Variants in CAST observed in about 807,000 individuals in gnomAD.
The protein encoded by CAST is MIR583 host.
Under a neutral mutation model 119.6 loss-of-function variants are expected in CAST, and 76 were observed. The ratio of observed to expected loss-of-function variants is 0.64; its 90% CI spans 0.53 to 0.77. The LOEUF is 0.77. CAST is among the 30% of genes least tolerant of loss of function. The probability of loss-of-function intolerance (pLI) is 0.00; values close to 1 mark genes in which losing one functional copy is unlikely to be tolerated. For missense variants in CAST, 953 were observed against 946.5 expected (o/e 1.01, Z -0.09); for synonymous variants, 319 against 331.6 (o/e 0.96, Z 0.41).
chr5:96,156,081 G>A, the CAST span, among the ~76,000 whole-genome samples: 4 of 152,148 alleles, frequency 2.6e-5, no homozygotes, highest in African/African-American at 9.7e-5. Context: ...ATTGAACGTG[G>A]GAGCCTTCCA....
the CAST span, among the ~76,000 whole-genome samples, chr5:96,147,322 G>C: frequency 6.6e-6 from 1 of 152,068 alleles, no homozygotes; most frequent in Non-Finnish European, 1.5e-5. Context: ...AAATAATTTG[G>C]GGCCGGGCGC....
the CAST span, among the ~76,000 whole-genome samples, chr5:96,265,049 A>T: frequency 1.3e-5 from 2 of 152,180 alleles, no homozygotes; most frequent in Non-Finnish European, 2.9e-5. Context: ...CTAAAAATGG[A>T]ATTGTCAGGT....
At chr5:96,421,990 CATT>C in the CAST span, 2 of 484,544 alleles carry the variant, frequency 4.1e-6, no homozygotes, top group East Asian at 3.7e-5. Flanking sequence ...ACTGTGGCAG[CATT>C]AAAAAAAAAA....
intron 2 of CAST, among the ~76,000 whole-genome samples, chr5:96,681,984 C>T (rs1337367577): frequency 1.3e-5 from 2 of 152,152 alleles, no homozygotes; most frequent in African/African-American, 4.8e-5. Flanking sequence ...ACCCCATCCA[C>T]ATAACTTGTA....
At chr5:96,174,261 A>G in the CAST span, among the ~76,000 whole-genome samples, 2 of 152,128 alleles carry the variant, frequency 1.3e-5, no homozygotes, top group Non-Finnish European at 2.9e-5. Context: ...GTCCATTTCC[A>G]TTAAGGGAAT....
chr5:96,286,550 T>A, the CAST span, among the ~76,000 whole-genome samples: 1 of 152,176 alleles, frequency 6.6e-6, no homozygotes, highest in African/African-American at 2.4e-5. Flanking sequence ...TTTGCACCAG[T>A]AACCAATATT....
chr5:96,690,960 A>G (rs985737212), intron 2 of CAST, among the ~76,000 whole-genome samples: 5 of 152,244 alleles, frequency 3.3e-5, no homozygotes, highest in Admixed American at 2.0e-4. Context: ...CATTTCAAGA[A>G]GTCTAAGAAA....
At chr5:96,475,296 A>G in the CAST span, among the ~76,000 whole-genome samples, 1 of 152,226 alleles carries the variant, frequency 6.6e-6, no homozygotes, top group Non-Finnish European at 1.5e-5. Context: ...ATCTTCATCG[A>G]AAATGAATTA....
At chr5:96,354,838 T>TTTTATTTA in the CAST span, among the ~76,000 whole-genome samples, 3 of 150,834 alleles carry the variant, frequency 2.0e-5, no homozygotes, top group African/African-American at 7.3e-5. Context: ...TCTAGTATGC[T>TTTTATTTA]TTTATTTATT....
chr5:96,615,515 T>C (rs888178502), intron 1 of CAST, among the ~76,000 whole-genome samples: 3 of 152,174 alleles, frequency 2.0e-5, no homozygotes, highest in Non-Finnish European at 2.9e-5. Context: ...ACAGGGAGAA[T>C]GAAACAGACA....
the CAST span, among the ~76,000 whole-genome samples, chr5:96,164,566 C>T: frequency 0.052 from 7,964 of 152,188 alleles, 278 homozygotes; most frequent in Non-Finnish European, 0.079. Flanking sequence ...ACAATCAGTT[C>T]GCAAACATTT....
At chr5:96,406,847 T>C in the CAST span, among the ~76,000 whole-genome samples, 1 of 152,220 alleles carries the variant, frequency 6.6e-6, no homozygotes, top group African/African-American at 2.4e-5. Flanking sequence ...TATGCAACCA[T>C]AGCACCTGAC....
At chr5:96,386,038 A>T in the CAST span, among the ~76,000 whole-genome samples, 2 of 152,242 alleles carry the variant, frequency 1.3e-5, no homozygotes, top group Non-Finnish European at 1.5e-5. Flanking sequence ...CCTCAAAATA[A>T]GGACAATAAT....
the CAST span, among the ~76,000 whole-genome samples, chr5:96,203,142 A>C: frequency 6.6e-6 from 1 of 151,486 alleles, no homozygotes; most frequent in African/African-American, 2.4e-5. Flanking sequence ...CACATTATGC[A>C]CAACCTTTTT....
At chr5:96,465,099 T>G in the CAST span, among the ~76,000 whole-genome samples, 1 of 152,086 alleles carries the variant, frequency 6.6e-6, no homozygotes, top group Non-Finnish European at 1.5e-5. Flanking sequence ...ATTTGTATAA[T>G]CATCTCTGTA....
intron 1 of CAST, among the ~76,000 whole-genome samples, chr5:96,571,031 A>C (rs1377374904): frequency 6.6e-6 from 1 of 152,242 alleles, no homozygotes; most frequent in Non-Finnish European, 1.5e-5. Context: ...TCAGAGGAGC[A>C]GGATGTAGCC....
the CAST span, among the ~76,000 whole-genome samples, chr5:96,304,709 C>T: frequency 9.2e-5 from 14 of 152,188 alleles, no homozygotes; most frequent in Non-Finnish European, 2.1e-4. Flanking sequence ...AATAGGGAAT[C>T]CTTTCCCCAT....
At chr5:96,008,533 C>A in the CAST span, among the ~76,000 whole-genome samples, 4 of 152,106 alleles carry the variant, frequency 2.6e-5, no homozygotes, top group Non-Finnish European at 4.4e-5. Flanking sequence ...GGGGAGAAGG[C>A]ACCTTTTCCC....
At chr5:96,521,790 A>T (rs1211649930), upstream of CAST, among the ~76,000 whole-genome samples, 1 of 152,178 alleles carries the variant, frequency 6.6e-6, no homozygotes, top group Non-Finnish European at 1.5e-5. Flanking sequence ...TGAACTTATG[A>T]ATGAATGGAT....
Sources: allele counts gnomAD v4.1 joint callset (sites outside exome capture counted in the v4.1 genomes callset), GRCh38; gene constraint gnomAD v4.1.1; transcripts MANE v1.5; gene names NCBI Gene and HGNC (gene_info 2026-07-23, HGNC 2026-07-21).